The following PARN variants were observed in gnomAD, a reference collection of about 807,000 sequenced individuals.
PARN encodes the protein poly(A)-specific ribonuclease PARN.
Under a neutral mutation model 102.8 loss-of-function variants are expected in PARN, and 71 were observed. The ratio of observed to expected loss-of-function variants is 0.69; its 90% CI spans 0.57 to 0.84. The LOEUF (loss-of-function observed/expected upper bound fraction) is 0.84. Ranked by LOEUF, PARN falls within the 40% of genes least tolerant of loss-of-function variation. PARN has a pLI of 0.00. For missense variants in PARN, 782 were observed against 760.9 expected, an observed-to-expected ratio of 1.03 and a Z score of -0.33; for synonymous variants, 261 against 252.9, an observed-to-expected ratio of 1.03 and a Z score of -0.30.
At chr16:14,519,961 G>A (rs994676655) in intron 21 of PARN, among the ~76,000 whole-genome samples, 2 of 152,022 alleles carry the variant, frequency 1.3e-5, no homozygotes, top group Non-Finnish European at 2.9e-5. Context: ...CAAAAAGAGA[G>A]ATACTAGATA....
intron 12 of PARN, among the ~76,000 whole-genome samples, chr16:14,594,238 A>G (rs1970373712): frequency 6.6e-6 from 1 of 152,228 alleles, no homozygotes; most frequent in Non-Finnish European, 1.5e-5. Flanking sequence ...ACATCCATTA[A>G]AAGTCACTGC....
chr16:14,582,245 G>T lies in PARN; in HGVS notation c.1128C>A (p.Leu376=). 6.2e-7 allele frequency: 1 copy of T among 1,613,780 alleles called. No homozygotes were observed. The highest frequency in any genetic ancestry group is 8.5e-7 in the Non-Finnish European group (1 of 1,179,684). ...TGTAGGCATCGTAGCCTGCCTCGTG[G>T]AGTTGTTCAGAGGCTGTGTCATAAC... The part of the protein sequence containing the change: ...FPSYDTASEQ[L]HEAGYDAYIT... The change falls in exon 17 of 24, where the codon CTC becomes CTA. Residue 376 remains leucine (L), a synonymous_variant. Transcript: ENST00000437198.
chr16:14,616,917 A>T (rs1971938362), intron 6 of PARN, among the ~76,000 whole-genome samples: 1 of 152,142 alleles, frequency 6.6e-6, no homozygotes, highest in Non-Finnish European at 1.5e-5. Context: ...GAAAACAAGG[A>T]AGCACTCCCC....
chr16:14,512,430 T>G (rs1370664250), intron 21 of PARN, among the ~76,000 whole-genome samples: 1 of 151,988 alleles, frequency 6.6e-6, no homozygotes, highest in African/African-American at 2.4e-5. Context: ...GACGTGGAGG[T>G]TGCAGTGAGC....
chr16:14,628,049 G>T, intron 3 of PARN, 123 bp downstream of exon 3: 1 of 688,978 alleles, frequency 1.5e-6, no homozygotes, highest in Non-Finnish European at 2.5e-6. Flanking sequence ...TTCATGGCTA[G>T]GTTTGAGGAG....
rs555179284 is a variant in PARN at position 14,596,345 on chromosome 16, C to T, written c.841-2967G>A. 2.2e-4 allele frequency among the ~76,000 whole-genome samples: 34 copies of T among 151,510 alleles called. No homozygotes were observed. In the South Asian group the frequency reaches 7.1e-3, roughly 32 times the overall value. On this transcript the variant is annotated intron_variant, in intron 12 of 23. Transcript: ENST00000437198. ...GGTACAATTTAAGCAACAAAGTAAA[C>T]AGTAAAAATCCTAGATAATAATCTA...
intron 23 of PARN, among the ~76,000 whole-genome samples, chr16:14,446,217 G>A (rs1409219776): frequency 6.6e-6 from 1 of 152,214 alleles, no homozygotes; most frequent in Non-Finnish European, 1.5e-5. Context: ...GCGGGGTGGA[G>A]AGGACATGGG....
chr16:14,630,050 A>T, intron 1 of PARN, 57 bp downstream of exon 1: 7 of 1,481,692 alleles, frequency 4.7e-6, no homozygotes, highest in Non-Finnish European at 6.5e-6. Flanking sequence ...GTCTCGGCCT[A>T]GCAGGCCAGG....
chr16:14,575,836 C>A (rs1969097279), intron 18 of PARN, among the ~76,000 whole-genome samples: 1 of 152,128 alleles, frequency 6.6e-6, no homozygotes, highest in African/African-American at 2.4e-5. Flanking sequence ...TTTTAACTCC[C>A]ACAATTCCCA....
chr16:14,478,347 A>G (rs1426605161), intron 22 of PARN, among the ~76,000 whole-genome samples: 1 of 152,162 alleles, frequency 6.6e-6, no homozygotes, highest in Non-Finnish European at 1.5e-5. Flanking sequence ...GACAAAACCC[A>G]TAAGACAAGT....
intron 16 of PARN, among the ~76,000 whole-genome samples, chr16:14,582,659 A>C (rs1969604254): frequency 1.3e-5 from 2 of 151,946 alleles, no homozygotes; most frequent in Middle Eastern, 3.2e-3. Flanking sequence ...CAAGATGGTC[A>C]CATCAGGCCA....
At chr16:14,561,412 A>C (rs1776662290) in intron 18 of PARN, among the ~76,000 whole-genome samples, 1 of 152,236 alleles carries the variant, frequency 6.6e-6, no homozygotes, top group African/African-American at 2.4e-5. Flanking sequence ...GTTAACAGGA[A>C]AACAGTATAT....
chr16:14,571,596 A>G (rs963676616), intron 18 of PARN, among the ~76,000 whole-genome samples: 8 of 362 alleles, frequency 0.022, no homozygotes, highest in Non-Finnish European at 0.11. Flanking sequence ...AACATCTTCT[A>G]TGCAAACCAA....
intron 21 of PARN, among the ~76,000 whole-genome samples, chr16:14,492,100 C>T (rs985754386): frequency 1.3e-5 from 2 of 152,200 alleles, no homozygotes; most frequent in South Asian, 2.1e-4. Context: ...GTCCTTCATG[C>T]TTCCTTTCAT....
intron 11 of PARN, among the ~76,000 whole-genome samples, chr16:14,603,081 T>C (rs935798500): frequency 3.9e-5 from 6 of 151,940 alleles, no homozygotes; most frequent in Non-Finnish European, 7.4e-5. Flanking sequence ...TCACCACACC[T>C]GGATAATTTT....
chr16:14,596,031 T>C (rs549698205), intron 12 of PARN, among the ~76,000 whole-genome samples: 4 of 152,302 alleles, frequency 2.6e-5, no homozygotes, highest in Admixed American at 6.5e-5. Context: ...TAGCTGTGTG[T>C]GTACATGCCT....
At chr16:14,516,184 TA>T (rs2151644136) in intron 21 of PARN, among the ~76,000 whole-genome samples, 1 of 151,762 alleles carries the variant, frequency 6.6e-6, no homozygotes, top group East Asian at 1.9e-4. Context: ...AAAAAAGAAT[TA>T]AATTAGATAA....
chr16:14,439,375 C>CAA (rs58385541), intron 23 of PARN, among the ~76,000 whole-genome samples: 3 of 90,616 alleles, frequency 3.3e-5, no homozygotes, highest in African/African-American at 8.7e-5. Context: ...AACTGTCGCA[C>CAA]AAAAAAAAAA....
chr16:14,596,978 T>C (rs917327140), intron 12 of PARN, among the ~76,000 whole-genome samples: 5 of 151,858 alleles, frequency 3.3e-5, no homozygotes, highest in African/African-American at 9.7e-5. Context: ...TTAGAGATGG[T>C]ATTTCACCAT....
Sources: allele counts gnomAD v4.1 joint callset (sites outside exome capture counted in the v4.1 genomes callset), GRCh38; gene constraint gnomAD v4.1.1; transcripts MANE v1.5; gene names NCBI Gene and HGNC (gene_info 2026-07-23, HGNC 2026-07-21).